DIO2: variants seen among roughly 807,000 people sequenced by gnomAD.
DIO2 encodes the protein type II iodothyronine deiodinase.
DIO2 carries 19 observed loss-of-function variants against 21.4 expected under a neutral mutation model. The observed-to-expected ratio is 0.89, with a 90% CI of 0.62 to 1.30. The LOEUF (loss-of-function observed/expected upper bound fraction) is 1.30. Ranked by LOEUF, DIO2 falls within the 50% of genes most tolerant of loss-of-function variation. The pLI, the probability that DIO2 is intolerant of heterozygous loss-of-function variation, is 0.00. For synonymous variants in DIO2, 122 were observed against 132.9 expected, an observed-to-expected ratio of 0.92 and a Z score of 0.57; for missense variants, 302 against 338.1, an observed-to-expected ratio of 0.89 and a Z score of 0.84.
intron 2 of DIO2, among the ~76,000 whole-genome samples, chr14:80,227,964 T>A (rs979093036): frequency 1.3e-5 from 2 of 152,222 alleles, no homozygotes; most frequent in African/African-American, 4.8e-5. Context: ...CCCACACCAC[T>A]GGACCCCTAG....
chr14:80,215,527 AC>A (rs1888330555), upstream of DIO2, among the ~76,000 whole-genome samples: 1 of 152,114 alleles, frequency 6.6e-6, no homozygotes, highest in African/African-American at 2.4e-5. Context: ...CATGTTAACA[AC>A]TCATACCATG....
At chr14:80,218,212 G>GAC (rs1175030695) in intron 2 of DIO2, among the ~76,000 whole-genome samples, 3 of 150,132 alleles carry the variant, frequency 2.0e-5, no homozygotes, top group Admixed American at 1.3e-4. Context: ...CAAAAACAAA[G>GAC]ACACACACAC....
At chr14:80,222,591 A>G (rs1221758699) in intron 2 of DIO2, among the ~76,000 whole-genome samples, 2 of 152,330 alleles carry the variant, frequency 1.3e-5, no homozygotes, top group East Asian at 3.9e-4. Context: ...AAAATTTCCT[A>G]TATTCTTGAA....
At position 80,199,404 on chromosome 14, in the gene DIO2, ACAGGACC is replaced by A. The variant is rs1300701170; in HGVS notation, c.*3278_*3284del. ...GACGTGCTATAAATGAGGTGAAGAC[ACAGGACC>A]AGAGACCCAATGTGAAAAAAGAAAG... On this transcript the variant is annotated 3_prime_UTR_variant, in exon 2 of 2. Coordinates refer to ENST00000438257, the MANE Select transcript of DIO2 (RefSeq NM_013989.5). 1.2e-4 allele frequency: 19 copies of A among 152,248 alleles called. No homozygotes were observed. Among genetic ancestry groups the A allele is most frequent in the African/African-American group, 4.6e-4 (19 of 41,472 alleles). 9.4% of individuals were successfully genotyped at this position (152,248 alleles called of 1,614,324 possible).
intron 2 of DIO2, among the ~76,000 whole-genome samples, chr14:80,225,017 G>A (rs1192140226): frequency 6.6e-6 from 1 of 152,192 alleles, no homozygotes; most frequent in African/African-American, 2.4e-5. Context: ...ACAGGAGAAA[G>A]ATGTAGTCTG....
intron 1 of DIO2, among the ~76,000 whole-genome samples, chr14:80,206,594 C>T (rs902716085): frequency 6.6e-5 from 10 of 152,106 alleles, no homozygotes; most frequent in Admixed American, 2.6e-4. Flanking sequence ...GCAAAGCATT[C>T]CTTGACACAG....
upstream of DIO2, chr14:80,212,286 G>C (rs1313912719): frequency 6.6e-6 from 1 of 152,086 alleles, no homozygotes; most frequent in South Asian, 2.1e-4. Flanking sequence ...TGAGAAAGAG[G>C]GCTTTACTTT....
At chr14:80,226,021 C>T (rs1318402698) in intron 2 of DIO2, among the ~76,000 whole-genome samples, 2 of 152,118 alleles carry the variant, frequency 1.3e-5, no homozygotes, top group Non-Finnish European at 2.9e-5. Context: ...GTCACGGGAA[C>T]AGGAAGCAAA....
chr14:80,224,320 A>G (rs1006931125), intron 2 of DIO2, among the ~76,000 whole-genome samples: 1 of 152,108 alleles, frequency 6.6e-6, no homozygotes, highest in African/African-American at 2.4e-5. Context: ...ACCACCTCCA[A>G]CCAACAGATA....
chr14:80,207,199 T>C (rs1289412996), intron 1 of DIO2, among the ~76,000 whole-genome samples: 2 of 152,276 alleles, frequency 1.3e-5, no homozygotes, highest in East Asian at 1.9e-4. Context: ...AATGTTGGAA[T>C]GGAAATCTTT....
intron 2 of DIO2, among the ~76,000 whole-genome samples, chr14:80,226,384 TATC>T (rs1594883961): frequency 1.3e-5 from 2 of 152,208 alleles, no homozygotes; most frequent in African/African-American, 4.8e-5. Context: ...CTGTGTGGAA[TATC>T]ATGATGGTGG....
intron 1 of DIO2, chr14:80,205,623 A>G: frequency 7.5e-7 from 1 of 1,330,168 alleles, no homozygotes; most frequent in Non-Finnish European, 9.9e-7. Context: ...TTTCTTGGAA[A>G]GTTAAGGCAC....
chr14:80,207,141 T>C (rs1419494521), intron 1 of DIO2, among the ~76,000 whole-genome samples: 3 of 152,166 alleles, frequency 2.0e-5, no homozygotes. Context: ...AGGAGGTAAA[T>C]AAAGGATTTG....
intron 2 of DIO2, among the ~76,000 whole-genome samples, chr14:80,223,132 T>A (rs1453141310): frequency 6.6e-6 from 1 of 152,158 alleles, no homozygotes; most frequent in African/African-American, 2.4e-5. Context: ...ATAGGCATAA[T>A]CCATCATGCC....
At chr14:80,219,039 T>C (rs1888412696) in intron 2 of DIO2, among the ~76,000 whole-genome samples, 1 of 152,182 alleles carries the variant, frequency 6.6e-6, no homozygotes, top group African/African-American at 2.4e-5. Flanking sequence ...TTGCATGCTC[T>C]TTAAGAGATC....
intron 2 of DIO2, among the ~76,000 whole-genome samples, chr14:80,228,913 A>G (rs1330366236): frequency 1.3e-5 from 2 of 152,176 alleles, no homozygotes; most frequent in Non-Finnish European, 2.9e-5. Flanking sequence ...ATGTCTGATT[A>G]TTGCCCTTTC....
At chr14:80,227,648 A>G (rs1888602842) in intron 2 of DIO2, among the ~76,000 whole-genome samples, 1 of 152,184 alleles carries the variant, frequency 6.6e-6, no homozygotes, top group Non-Finnish European at 1.5e-5. Flanking sequence ...GGCTCCAAAC[A>G]GCATCTCTAT....
upstream of DIO2, chr14:80,211,570 GGGGGAAGGTTGGGGGTT>G: frequency 2.6e-6 from 1 of 386,638 alleles, no homozygotes; most frequent in East Asian, 4.5e-5. Context: ...GGGGAGGTAA[GGGGGAAGGTTGGGGGTT>G]GGGGGAGAAG....
intron 2 of DIO2, among the ~76,000 whole-genome samples, chr14:80,220,555 A>G (rs1888446570): frequency 6.6e-6 from 1 of 152,228 alleles, no homozygotes; most frequent in Admixed American, 6.5e-5. Flanking sequence ...AAACATGCTG[A>G]CATTCCAAAT....
Sources: gnomAD v4.1 joint callset for allele counts (sites outside exome capture counted in the v4.1 genomes callset) on GRCh38, gnomAD v4.1.1 for gene constraint, MANE v1.5 for transcripts, NCBI Gene and HGNC (gene_info 2026-07-23, HGNC 2026-07-21) for gene names.